The following SPAG1 variants were observed in gnomAD, a reference collection of about 807,000 sequenced individuals.
The protein encoded by SPAG1 is sperm-associated antigen 1.
A neutral mutation model predicts 100.5 loss-of-function variants in SPAG1; 69 were observed. The observed-to-expected ratio is 0.69, with a 90% CI of 0.57 to 0.84. SPAG1 has a LOEUF of 0.84. Among genes scored for constraint, SPAG1 ranks in the 40% least tolerant of loss-of-function variants. The probability of loss-of-function intolerance (pLI) is 0.00; values close to 1 mark genes in which losing one functional copy is unlikely to be tolerated. For synonymous variants in SPAG1, 336 were observed against 411.6 expected, an observed-to-expected ratio of 0.82 and a Z score of 2.22; for missense variants, 955 against 1,133.1, an observed-to-expected ratio of 0.84 and a Z score of 2.26.
intron 14 of SPAG1, among the ~76,000 whole-genome samples, chr8:100,229,297 A>G (rs1432904736): frequency 2.0e-5 from 3 of 152,054 alleles, no homozygotes; most frequent in Admixed American, 6.6e-5. Flanking sequence ...GTGGGTGCCT[A>G]TAGTCCCAGC....
rs530943376 is a variant in SPAG1, at chr8:100,238,012, A to G, written c.2116-1228A>G. Among the ~76,000 whole-genome samples the G allele has an allele frequency of 4.6e-5, 7 of 152,294 alleles. No homozygotes were observed. In the East Asian group the frequency reaches 1.3e-3, roughly 29 times the overall value. ...TCTTCATTTTTAAAATGGGAACAAT[A>G]GAAGTTAATATTTGTAGGGCTGTTG... On this transcript the variant is annotated intron_variant, in intron 16 of 18. Transcript: ENST00000388798.
chr8:100,236,016 A>G (rs1471771130), intron 16 of SPAG1, among the ~76,000 whole-genome samples: 1 of 152,136 alleles, frequency 6.6e-6, no homozygotes, highest in Admixed American at 6.5e-5. Flanking sequence ...AAACTCTTGG[A>G]GCACATTTAC....
intron 3 of SPAG1, among the ~76,000 whole-genome samples, chr8:100,174,911 A>G (rs1816036229): frequency 6.6e-6 from 1 of 151,160 alleles, no homozygotes; most frequent in Non-Finnish European, 1.5e-5. Flanking sequence ...TGTAAATCCT[A>G]TGAAATCCCG....
intron 1 of SPAG1, among the ~76,000 whole-genome samples, chr8:100,160,869 C>T (rs1345209892): frequency 1.3e-5 from 2 of 152,224 alleles, no homozygotes; most frequent in Non-Finnish European, 2.9e-5. Context: ...TTGGGCACCA[C>T]AACCTTCTCT....
Position 100,241,047 on chromosome 8 carries a change from C to T in SPAG1, c.*25C>T, listed in dbSNP as rs769790202. ...AATCAAGATAATTGTTAGATTTCTTCCATGCATGTATGTGTTCCAGGAATG... is the reference window on the plus strand; with the variant it reads ...AATCAAGATAATTGTTAGATTTCTTTCATGCATGTATGTGTTCCAGGAATG... On this transcript the variant is annotated 3_prime_UTR_variant, in exon 19 of 19. Coordinates refer to ENST00000388798, the MANE Select transcript of SPAG1 (RefSeq NM_003114.5). The surrounding 1 kb of genome is among the most constrained non-coding windows in gnomAD (Gnocchi z 5.1). 6.2e-7 allele frequency: 1 copy of T among 1,605,540 alleles called. No individual in the cohort carries two copies. Among genetic ancestry groups the T allele is most frequent in the Non-Finnish European group, 8.5e-7 (1 of 1,176,026 alleles).
chr8:100,214,031 A>G (rs1458514053), intron 12 of SPAG1, 113 bp downstream of exon 12: 1 of 592,128 alleles, frequency 1.7e-6, no homozygotes, highest in African/African-American at 1.9e-5. Context: ...TAAGAGCTTT[A>G]TGGTATGTTA....
intron 16 of SPAG1, 80 bp downstream of exon 16, chr8:100,233,617 C>T: frequency 7.2e-7 from 1 of 1,382,800 alleles, no homozygotes; most frequent in South Asian, 1.3e-5. Flanking sequence ...ATCTCCAGAT[C>T]TTGGGATGGG....
intron 10 of SPAG1, among the ~76,000 whole-genome samples, chr8:100,210,871 A>G (rs576643733): frequency 2.7e-5 from 4 of 150,396 alleles, no homozygotes; most frequent in South Asian, 4.2e-4. Context: ...CCTGTCGCCC[A>G]GGGTGGAGTG....
chr8:100,219,418 T>C (rs911810399), intron 12 of SPAG1, among the ~76,000 whole-genome samples: 11 of 152,240 alleles, frequency 7.2e-5, no homozygotes, highest in African/African-American at 2.7e-4. Flanking sequence ...ATGGAGGACT[T>C]CTTTGCAGCT....
At chr8:100,163,192 T>G (rs1036064750) in intron 2 of SPAG1, among the ~76,000 whole-genome samples, 1 of 152,060 alleles carries the variant, frequency 6.6e-6, no homozygotes, top group Non-Finnish European at 1.5e-5. Flanking sequence ...CAACTGAATA[T>G]ACATCAAATG....
chr8:100,186,688 G>A (rs1176172038), intron 7 of SPAG1, among the ~76,000 whole-genome samples: 3 of 152,034 alleles, frequency 2.0e-5, no homozygotes, highest in Admixed American at 1.3e-4. Flanking sequence ...CAGACTGAGC[G>A]GCTTAAACGA....
chr8:100,193,180 C>T (rs910606528), intron 9 of SPAG1, among the ~76,000 whole-genome samples: 1 of 152,166 alleles, frequency 6.6e-6, no homozygotes, highest in Admixed American at 6.5e-5. Context: ...CAAGCCACAG[C>T]TGGGCACGGT....
At chr8:100,192,287 C>T (rs1191276593) in intron 9 of SPAG1, among the ~76,000 whole-genome samples, 1 of 152,148 alleles carries the variant, frequency 6.6e-6, no homozygotes, top group African/African-American at 2.4e-5. Flanking sequence ...CAACACTGCA[C>T]TCCAACTGGG....
Position 100,187,152 on chromosome 8 carries a change from A to G in SPAG1, c.734A>G (p.Tyr245Cys), listed in dbSNP as rs372197260. The G allele has an allele frequency of 3.0e-5, 48 of 1,612,976 alleles. 1 individual carries two copies. Among genetic ancestry groups the G allele is most frequent in the South Asian group, 6.6e-5 (6 of 91,012 alleles). Residue 245 changes from tyrosine to cysteine, a missense_variant, in exon 8 of 19, where the codon TAT (tyrosine) becomes TGT (cysteine). Transcript: ENST00000388798. ...TCAGCGCTTCCCACTGTAGTTGCCTATAACAATCGAGCTCAAGCAGAAATC... is the reference window on the plus strand; with the variant it reads ...TCAGCGCTTCCCACTGTAGTTGCCTGTAACAATCGAGCTCAAGCAGAAATC... ...SISALPTVVA[Y>C]NNRAQAEIKL...
At chr8:100,183,856 TA>T (rs751019774) in intron 5 of SPAG1, 99 bp from the exon 6 acceptor site, 16,401 of 608,074 alleles carry the variant, frequency 0.027, 458 homozygotes, top group Non-Finnish European at 0.026. Context: ...TTTGAATATG[TA>T]TCCAAAGGCA....
chr8:100,198,883 T>C (rs575196040), intron 10 of SPAG1, among the ~76,000 whole-genome samples: 2 of 152,378 alleles, frequency 1.3e-5, no homozygotes, highest in Non-Finnish European at 2.9e-5. Context: ...AATCATAGTA[T>C]GTAGACTTTT....
chr8:100,232,232 T>G (rs1264004431), intron 15 of SPAG1, among the ~76,000 whole-genome samples: 5 of 152,150 alleles, frequency 3.3e-5, no homozygotes, highest in Non-Finnish European at 7.4e-5. Context: ...CTGTGAAGAC[T>G]CCTCCTCCTC....
intron 4 of SPAG1, 64 bp downstream of exon 4, chr8:100,178,005 C>T: frequency 1.4e-6 from 2 of 1,419,092 alleles, no homozygotes; most frequent in Non-Finnish European, 2.0e-6. Flanking sequence ...TATTAAGGGG[C>T]AATCTCAGTT....
chr8:100,241,050 T>C lies in SPAG1; in HGVS notation c.*28T>C. The C allele has an allele frequency of 6.2e-7, 1 of 1,604,236 alleles. No homozygotes were observed. Among genetic ancestry groups the C allele is most frequent in the South Asian group, 1.1e-5 (1 of 89,394 alleles). On this transcript the variant is annotated 3_prime_UTR_variant, in exon 19 of 19. Coordinates refer to ENST00000388798, the MANE Select transcript of SPAG1 (RefSeq NM_003114.5). The surrounding 1 kb of genome is among the most constrained non-coding windows in gnomAD (Gnocchi z 5.1). ...CAAGATAATTGTTAGATTTCTTCCA[T>C]GCATGTATGTGTTCCAGGAATGTTA... is the stretch of plus-strand genomic sequence containing the variant.
Sources: gnomAD v4.1 joint callset for allele counts (sites outside exome capture counted in the v4.1 genomes callset) on GRCh38, gnomAD v4.1.1 for gene constraint, Gnocchi (gnomAD v3.1) non-coding constraint, MANE v1.5 for transcripts, NCBI Gene and HGNC (gene_info 2026-07-23, HGNC 2026-07-21) for gene names.